Variants in FBRS observed in about 807,000 individuals in gnomAD.
The protein encoded by FBRS is fibrosin.
A neutral mutation model predicts 86.1 loss-of-function variants in FBRS; 15 were observed. The ratio of observed to expected loss-of-function variants is 0.17; its 90% CI spans 0.12 to 0.27. FBRS has a LOEUF of 0.27. Ranked by LOEUF, FBRS falls within the 10% of genes least tolerant of loss-of-function variation. The probability of loss-of-function intolerance (pLI) is 1.00; values close to 1 mark genes in which losing one functional copy is unlikely to be tolerated. For missense variants in FBRS, 1,367 were observed against 1,301.6 expected (o/e 1.05, Z -0.77); for synonymous variants, 666 against 575.8 (o/e 1.16, Z -2.24).
chr16:30,668,413 C>T (rs1192732861), intron 15 of FBRS, 147 bp from the exon 16 acceptor site: 2 of 693,466 alleles, frequency 2.9e-6, no homozygotes, highest in Non-Finnish European at 5.1e-6. Context: ...TCAACACCTT[C>T]CTGGCCCAAG....
chr16:30,665,351 C>T lies in FBRS; in HGVS notation c.1654C>T (p.Leu552Phe). 6.4e-7 allele frequency: 1 copy of T among 1,567,714 alleles called. No individual in the cohort carries two copies. Among genetic ancestry groups the T allele is most frequent in the Non-Finnish European group, 8.6e-7 (1 of 1,157,360 alleles). The change falls in exon 10 of 18, where the codon CTC becomes TTC. Residue 552 changes from leucine to phenylalanine, a missense_variant. Coordinates refer to ENST00000356166, the MANE Select transcript of FBRS (RefSeq NM_001105079.3). The surrounding 1 kb of genome is among the most constrained non-coding windows in gnomAD (Gnocchi z 4.1). Reference sequence around the variant, plus strand: ...CGCAGTGCCCGGGCTGCCTCCGGGCCTCCCGCCGGCCGTCTCCTTTGGCTC... The same window carrying T: ...CGCAGTGCCCGGGCTGCCTCCGGGCTTCCCGCCGGCCGTCTCCTTTGGCTC... ...PPAVPGLPPG[L>F]PPAVSFGSLQ...
chr16:30,659,547 G>T lies in FBRS; in HGVS notation c.29G>T (p.Gly10Val). The T allele has an allele frequency of 3.1e-6, 1 of 319,442 alleles. No individual in the cohort carries two copies. Among genetic ancestry groups the T allele is most frequent in the Non-Finnish European group, 5.7e-6 (1 of 176,052 alleles). The allele number at this position is 319,442 out of a possible 1,614,324, so 19.8% of individuals were successfully genotyped here. A position where few individuals can be genotyped will look rare whatever the true frequency, so the allele number is the denominator to read the frequency against. The change falls in exon 1 of 18, where the codon GGT becomes GTT. Residue 10 changes from glycine (G) to valine (V), a missense_variant. Transcript: ENST00000356166. METAAAAAP[G>V]PGWAAEGERR... ...GAGACGGCAGCGGCCGCGGCCCCGG[G>T]TCCGGGCTGGGCAGCAGAGGGGGAG...
Position 30,659,386 on chromosome 16 carries a change from A to C in FBRS, c.-133A>C, listed in dbSNP as rs939488013. 2 of 199,194 alleles carry C rather than the reference A, an allele frequency of 1.0e-5. No individual in the cohort carries two copies. Among genetic ancestry groups the C allele is most frequent in the Middle Eastern group, 1.7e-3 (1 of 582 alleles). The allele number at this position is 199,194 out of a possible 1,614,324, so 12.3% of individuals were successfully genotyped here. Reference sequence around the variant, plus strand: ...CTTGGGGCAAGCTCGGGGCCAGCAGATCCGGCTTTAAAGGAGAAGCCGTGG... The same window carrying C: ...CTTGGGGCAAGCTCGGGGCCAGCAGCTCCGGCTTTAAAGGAGAAGCCGTGG... On this transcript the variant is annotated 5_prime_UTR_variant, in exon 1 of 18. Transcript: ENST00000356166.
In FBRS at chr16:30,661,340, G is replaced by A. The variant is rs1443323347; in HGVS notation, c.705+7G>A. On this transcript the variant is annotated splice_region_variant and intron_variant, in intron 4 of 17. Transcript: ENST00000356166. The stretch of plus-strand genomic sequence containing the variant: ...AAGTGATCTGGACGAGAGGGTGAGT[G>A]GGGCTAGAGCTTGGGTGGGCAGTGT... 1 of 1,550,640 alleles carries A rather than the reference G, an allele frequency of 6.4e-7. No individual in the cohort carries two copies. Among genetic ancestry groups the A allele is most frequent in the South Asian group, 1.2e-5 (1 of 84,050 alleles).
intron 4 of FBRS, among the ~76,000 whole-genome samples, chr16:30,661,786 T>G (rs994967076): frequency 6.6e-6 from 1 of 152,180 alleles, no homozygotes; most frequent in Non-Finnish European, 1.5e-5. Context: ...TAGGGGCGAT[T>G]TGCTTGTTGT....
Position 30,659,693 on chromosome 16 carries a change from TCGCCGC to T in FBRS, c.183_188del (p.Pro62_Pro63del). 4.3e-6 allele frequency: 4 copies of T among 920,342 alleles called. No homozygotes were observed. The highest frequency in any genetic ancestry group is 6.3e-6 in the Non-Finnish European group (4 of 633,146). The allele number at this position is 920,342 out of a possible 1,614,324, so 57.0% of individuals were successfully genotyped here. A position where few individuals can be genotyped will look rare whatever the true frequency, so the allele number is the denominator to read the frequency against. ...CCCGCGCGGCTCCTCGTCCTCGTCGTCGCCGCCGCCGCCCGCCAGGCCTTGGTCGTC... is the reference window on the plus strand; with the variant it reads ...CCCGCGCGGCTCCTCGTCCTCGTCGTCGCCGCCCGCCAGGCCTTGGTCGTC... On this transcript the variant is annotated inframe_deletion, in exon 1 of 18. Transcript: ENST00000356166.
At chr16:30,661,870 G>A (rs2052466461) in intron 4 of FBRS, 1 of 181,036 alleles carries the variant, frequency 5.5e-6, no homozygotes, top group African/African-American at 2.4e-5. Context: ...ACTCCCTGAT[G>A]TGTGTCTTGT....
In FBRS at chr16:30,658,466, G is replaced by A. The variant is rs928746901; in HGVS notation, c.-1053G>A. On this transcript the variant is annotated 5_prime_UTR_variant, in exon 1 of 18. Coordinates refer to ENST00000356166, the MANE Select transcript of FBRS (RefSeq NM_001105079.3). ...GGAGGCGTAGGCTGAGGAGGAAGAG[G>A]GAGGAGGGGTAGGGAAGTCCTGGCG... 1 of 152,792 alleles carries A rather than the reference G, an allele frequency of 6.5e-6. No homozygotes were observed. Among genetic ancestry groups the A allele is most frequent in the Non-Finnish European group, 1.5e-5 (1 of 68,386 alleles). 9.5% of individuals were successfully genotyped at this position (152,792 alleles called of 1,614,324 possible). A position where few individuals can be genotyped will look rare whatever the true frequency, so the allele number is the denominator to read the frequency against.
Position 30,668,903 on chromosome 16 carries a change from G to A in FBRS, c.2290G>A (p.Ala764Thr), listed in dbSNP as rs541586289. 1.6e-5 allele frequency: 26 copies of A among 1,586,562 alleles called. No homozygotes were observed. The highest frequency in any genetic ancestry group is 1.7e-4 in the Middle Eastern group (1 of 5,996). ...FPAWVRPPEA[A>T]RTPGSDKERP... is the part of the protein sequence containing the mutation. ...TGCCTGGGTCCGGCCCCCTGAGGCC[G>A]CCCGGACTCCAGGCTCAGACAAGGA... Residue 764 changes from alanine to threonine, a missense_variant, in exon 17 of 18, where the codon GCC (alanine) becomes ACC (threonine). Transcript: ENST00000356166.
At position 30,668,663 on chromosome 16, in the gene FBRS, G is replaced by A. The variant is rs375939320; in HGVS notation, c.2158+20G>A. On this transcript the variant is annotated intron_variant, in intron 16 of 17. Coordinates refer to ENST00000356166, the MANE Select transcript of FBRS (RefSeq NM_001105079.3). ...CATTCAGTGAGTGCGGGTGCGGTGG[G>A]GTGGGGGGGCTGCGGCCACAGGGTG... The A allele has an allele frequency of 1.4e-4, 226 of 1,592,462 alleles. No homozygotes were observed. The highest frequency in any genetic ancestry group is 6.7e-4 in the Middle Eastern group (4 of 5,978).
At chr16:30,660,657 C>T in intron 2 of FBRS, 3 of 748,116 alleles carry the variant, frequency 4.0e-6, no homozygotes, top group Non-Finnish European at 5.6e-6. Context: ...CTACTTCAAA[C>T]GTTTTGATAA....
chr16:30,662,746 G>A lies in FBRS; in HGVS notation c.942G>A (p.Leu314=). ...PRPPVSPPAP[L]PATPSLPPPP... ...CTCCTGTCTCACCCCCTGCACCCCTGCCGGCCACTCCCAGTCTGCCACCCC... is the reference window on the plus strand; with the variant it reads ...CTCCTGTCTCACCCCCTGCACCCCTACCGGCCACTCCCAGTCTGCCACCCC... The change falls in exon 6 of 18, where the codon CTG becomes CTA. Residue 314 remains leucine, a synonymous_variant. Coordinates refer to ENST00000356166, the MANE Select transcript of FBRS (RefSeq NM_001105079.3). 2.0e-6 allele frequency: 3 copies of A among 1,534,644 alleles called. No individual in the cohort carries two copies. Among genetic ancestry groups the A allele is most frequent in the Non-Finnish European group, 2.6e-6 (3 of 1,136,914 alleles).
Position 30,664,479 on chromosome 16 carries a change from A to G in FBRS, c.1320A>G (p.Pro440=), listed in dbSNP as rs2052498498. 1.5e-6 allele frequency: 2 copies of G among 1,304,052 alleles called. No homozygotes were observed. The highest frequency in any genetic ancestry group is 3.5e-5 in the African/African-American group (2 of 57,916). The allele number at this position is 1,304,052 out of a possible 1,614,324, so 80.8% of individuals were successfully genotyped here. Residue 440 remains proline, a synonymous_variant, in exon 7 of 18, where the codon CCA becomes CCG. Transcript: ENST00000356166. ...CACCCCCACCCCTGCTGCAGGTGCC[A>G]GGGCACCCTGGGGCCTCAGCCGCTA... is the stretch of plus-strand genomic sequence containing the variant. ...LPPPPPLLQV[P]GHPGASAANA... is the part of the protein sequence containing the mutation.
In FBRS at chr16:30,660,394, C is replaced by T; in HGVS notation, c.591C>T (p.Pro197=). The T allele has an allele frequency of 1.0e-5, 13 of 1,261,990 alleles. No individual in the cohort carries two copies. The highest frequency in any genetic ancestry group is 1.3e-5 in the Non-Finnish European group (13 of 994,322). The allele number at this position is 1,261,990 out of a possible 1,614,324, so 78.2% of individuals were successfully genotyped here. A position where few individuals can be genotyped will look rare whatever the true frequency, so the allele number is the denominator to read the frequency against. The stretch of plus-strand genomic sequence containing the variant: ...GCTCTGATCGAGAGCCTGGCCGGCC[C>T]CCTGGGGATCGGGCCCGAAAATGGC... The part of the protein sequence containing the change: ...GDSSDREPGR[P]PGDRARKWPN... The change falls in exon 2 of 18, where the codon CCC becomes CCT. Residue 197 remains proline (P), a synonymous_variant. Transcript: ENST00000356166.
chr16:30,664,424 C>CCCG lies in FBRS; in HGVS notation c.1266_1267insCGC (p.Ser422_Leu423insArg). On this transcript the variant is annotated inframe_insertion, in exon 7 of 18. Coordinates refer to ENST00000356166, the MANE Select transcript of FBRS (RefSeq NM_001105079.3). The stretch of plus-strand genomic sequence containing the variant: ...CCCCCCCCACCACCCCACCACCCCT[C>CCCG]CTTGTTCTCCCCTGGCCCCACCCTG... 7.0e-7 allele frequency: 1 copy of CCCG among 1,421,934 alleles called. No homozygotes were observed. The highest frequency in any genetic ancestry group is 9.3e-7 in the Non-Finnish European group (1 of 1,069,714). 88.1% of individuals were successfully genotyped at this position (1,421,934 alleles called of 1,614,324 possible).
At position 30,659,714 on chromosome 16, in the gene FBRS, C is replaced by T; in HGVS notation, c.196C>T (p.Pro66Ser). ...GTCGTCGCCGCCGCCGCCCGCCAGG[C>T]CTTGGTCGTCAGCTTCGTCTGGAGA... ...SSSSPPPPAR[P>S]WSSASSGERP... Residue 66 changes from proline to serine, a missense_variant, in exon 1 of 18, where the codon CCT becomes TCT. Physicochemically the swap from Pro to Ser is moderately conservative, Grantham distance 74. Coordinates refer to ENST00000356166, the MANE Select transcript of FBRS (RefSeq NM_001105079.3). The T allele has an allele frequency of 9.0e-7, 1 of 1,115,366 alleles. No homozygotes were observed. The highest frequency in any genetic ancestry group is 1.3e-6 in the Non-Finnish European group (1 of 795,306). The allele number at this position is 1,115,366 out of a possible 1,614,324, so 69.1% of individuals were successfully genotyped here.
chr16:30,664,990 C>T (rs774445206), intron 8 of FBRS, 45 bp from the exon 9 acceptor site: 6 of 1,609,094 alleles, frequency 3.7e-6, no homozygotes, highest in Admixed American at 3.4e-5. Flanking sequence ...TGGGGGAAGG[C>T]CCGGGTCCCT....
chr16:30,669,294 G>T lies in FBRS; in HGVS notation c.2592G>T (p.Pro864=). The change falls in exon 18 of 18, where the codon CCG becomes CCT. Residue 864 remains proline (P), a synonymous_variant. Coordinates refer to ENST00000356166, the MANE Select transcript of FBRS (RefSeq NM_001105079.3). This position sits in a 1 kb window ranked among gnomAD's most constrained non-coding sequence, Gnocchi z 5.9. ...ACCTGCTGTTTGAGAGGCCCCGGCC[G>T]CCCCCGTTTCTGGGCCCTAGCCCAC... ...GLHLLFERPR[P]PPFLGPSPPD... 6.3e-7 allele frequency: 1 copy of T among 1,590,448 alleles called. No individual in the cohort carries two copies. Among genetic ancestry groups the T allele is most frequent in the Non-Finnish European group, 8.6e-7 (1 of 1,169,274 alleles).
chr16:30,659,194 C>T lies in FBRS; in HGVS notation c.-325C>T, dbSNP rs1004799499. 1.3e-5 allele frequency: 2 copies of T among 154,516 alleles called. No homozygotes were observed. Among genetic ancestry groups the T allele is most frequent in the African/African-American group, 2.4e-5 (1 of 41,516 alleles). The allele number at this position is 154,516 out of a possible 1,614,324, so 9.6% of individuals were successfully genotyped here. On this transcript the variant is annotated 5_prime_UTR_variant, in exon 1 of 18. Coordinates refer to ENST00000356166, the MANE Select transcript of FBRS (RefSeq NM_001105079.3). ...GCAGGGGGTGGCCACCGCACTAGGC[C>T]GCCGGACACTGTCGGGTCGTCTTAA...
Sources: gnomAD v4.1 joint callset for allele counts (sites outside exome capture counted in the v4.1 genomes callset) on GRCh38, gnomAD v4.1.1 for gene constraint, Gnocchi (gnomAD v3.1) non-coding constraint, MANE v1.5 for transcripts, NCBI Gene and HGNC (gene_info 2026-07-23, HGNC 2026-07-21) for gene names.